Variants in NOL4 observed in about 807,000 individuals in gnomAD.
NOL4 encodes nucleolar protein 4, also known as cancer/testis antigen 125.
NOL4 carries 17 observed loss-of-function variants against 75.9 expected under a neutral mutation model. That is an observed-to-expected ratio of 0.22 (90% CI 0.15 to 0.34). The LOEUF is 0.34. Ranked by LOEUF, NOL4 falls within the 10% of genes least tolerant of loss-of-function variation. The pLI, the probability that NOL4 is intolerant of heterozygous loss-of-function variation, is 1.00. For missense variants in NOL4, 614 were observed against 793.5 expected, an observed-to-expected ratio of 0.77 and a Z score of 2.72; for synonymous variants, 292 against 289.9, an observed-to-expected ratio of 1.01 and a Z score of -0.07.
intron 1 of NOL4, among the ~76,000 whole-genome samples, chr18:34,135,085 G>A (rs1007444368): frequency 3.5e-4 from 54 of 152,116 alleles, no homozygotes; most frequent in African/African-American, 1.2e-3. Context: ...ATGGAGAGTA[G>A]AAAACAATGG....
At chr18:34,024,181 G>GAAAAAAAAA (rs200128545) in intron 5 of NOL4, among the ~76,000 whole-genome samples, 2 of 86,968 alleles carry the variant, frequency 2.3e-5, no homozygotes, top group African/African-American at 4.4e-5. Flanking sequence ...AAATAAACAG[G>GAAAAAAAAA]AAAAAAAAAA....
chr18:34,030,464 G>T (rs1236048647), intron 5 of NOL4, among the ~76,000 whole-genome samples: 1 of 152,116 alleles, frequency 6.6e-6, no homozygotes. Context: ...AAGAAAGGAA[G>T]GAAAGGAGGA....
Position 33,856,188 on chromosome 18 carries a change from C to A in NOL4, c.1724-3153G>T, listed in dbSNP as rs148718972. Among the ~76,000 whole-genome samples, 12 of 151,936 alleles carry A rather than the reference C, an allele frequency of 7.9e-5. No individual in the cohort carries two copies. The East Asian group carries it at 2.1e-3, about 27-fold the overall frequency. ...TGATGGATGTTTGTATTTGTAGAAT[C>A]AATAAATGAGAAGTGCCAGATTCTT... is the stretch of plus-strand genomic sequence containing the variant. On this transcript the variant is annotated intron_variant, in intron 10 of 10. Transcript: ENST00000261592.
rs1373405370 is a variant in NOL4 at position 34,129,945 on chromosome 18, A to G, written c.340T>C (p.Ser114Pro). Residue 114 changes from serine (S) to proline (P), a missense_variant, in exon 2 of 11, where the codon TCG becomes CCG. Around this residue, in one of 9 missense-constraint regions of NOL4, gnomAD observed 135 missense variants for 220.4 expected, o/e 0.61. Transcript: ENST00000261592. ...VVEDFFDIIYSMHVETGPNGE... is the reference protein window; with the variant it reads ...VVEDFFDIIYPMHVETGPNGE... ...TTTGGCCCCGTTTCCACATGCATCG[A>G]ATAAATAATGTCAAAGAAATCTTCA... The G allele has an allele frequency of 1.2e-6, 2 of 1,601,080 alleles. No homozygotes were observed. The highest frequency in any genetic ancestry group is 1.7e-6 in the Non-Finnish European group (2 of 1,173,116).
intron 9 of NOL4, among the ~76,000 whole-genome samples, chr18:33,886,827 A>C (rs545110641): frequency 7.5e-6 from 1 of 133,540 alleles, no homozygotes; most frequent in Non-Finnish European, 1.6e-5. Flanking sequence ...ATCTATATAC[A>C]TATATATCTA....
rs537017690 is a variant in NOL4, at chr18:34,063,682, G to T, written c.772+29783C>A. On this transcript the variant is annotated intron_variant, in intron 5 of 10. Transcript: ENST00000261592. ...GTTGATCTTAAAGAATTTTTGTTAGGACCAAATAAAATAATGTCTGTACAT... is the reference window on the plus strand; with the variant it reads ...GTTGATCTTAAAGAATTTTTGTTAGTACCAAATAAAATAATGTCTGTACAT... Among the ~76,000 whole-genome samples the T allele has an allele frequency of 2.0e-5, 3 of 151,992 alleles. No individual in the cohort carries two copies. In the South Asian group the frequency reaches 6.2e-4, roughly 32 times the overall value.
chr18:34,112,284 A>C (rs1484057420), intron 2 of NOL4, among the ~76,000 whole-genome samples: 1 of 151,826 alleles, frequency 6.6e-6, no homozygotes, highest in African/African-American at 2.4e-5. Context: ...CAGGAGAATC[A>C]CTTGAACCCG....
chr18:34,131,474 T>C (rs545962374), intron 1 of NOL4, among the ~76,000 whole-genome samples: 4 of 152,158 alleles, frequency 2.6e-5, no homozygotes, highest in African/African-American at 9.6e-5. Context: ...AATAACCACC[T>C]TTCCTAGGCT....
At chr18:34,193,261 A>G (rs930938735) in intron 1 of NOL4, among the ~76,000 whole-genome samples, 7 of 152,224 alleles carry the variant, frequency 4.6e-5, no homozygotes, top group African/African-American at 1.7e-4. Flanking sequence ...GACAGATGGA[A>G]TAACATCTAA....
intron 6 of NOL4, among the ~76,000 whole-genome samples, chr18:33,983,988 A>G (rs1225884131): frequency 1.3e-5 from 2 of 152,188 alleles, no homozygotes; most frequent in Non-Finnish European, 2.9e-5. Context: ...TTGCTTGCAC[A>G]TAATTTGAGA....
intron 2 of NOL4, 101 bp downstream of exon 2, chr18:34,129,770 G>A: frequency 8.7e-7 from 1 of 1,146,336 alleles, no homozygotes; most frequent in Non-Finnish European, 1.2e-6. Flanking sequence ...CCTAATTTAT[G>A]TTGAAGATAG....
At chr18:34,023,721 T>C (rs546595989) in intron 5 of NOL4, 43 of 263,290 alleles carry the variant, frequency 1.6e-4, no homozygotes, top group African/African-American at 9.1e-4. Context: ...AGGAGGGCAG[T>C]TGGACGTCGG....
intron 5 of NOL4, among the ~76,000 whole-genome samples, chr18:34,033,638 A>G (rs971629647): frequency 2.0e-5 from 3 of 152,096 alleles, no homozygotes; most frequent in African/African-American, 7.2e-5. Context: ...TTAAATAGAT[A>G]ATAAATGAAA....
intron 6 of NOL4, among the ~76,000 whole-genome samples, chr18:33,973,783 G>T (rs1025757498): frequency 3.9e-5 from 6 of 152,148 alleles, no homozygotes; most frequent in African/African-American, 1.2e-4. Flanking sequence ...TCAATAGTGG[G>T]CTCAAAATAT....
intron 1 of NOL4, among the ~76,000 whole-genome samples, chr18:34,197,356 G>A (rs1279586256): frequency 6.6e-6 from 1 of 151,924 alleles, no homozygotes; most frequent in African/African-American, 2.4e-5. Flanking sequence ...AGTTCAGCAA[G>A]GAGAGGTCAA....
chr18:34,140,025 T>G (rs969119852), intron 1 of NOL4, among the ~76,000 whole-genome samples: 13 of 152,354 alleles, frequency 8.5e-5, no homozygotes, highest in African/African-American at 3.1e-4. Flanking sequence ...CTAGTTTGAT[T>G]GCACTGTGGT....
intron 9 of NOL4, among the ~76,000 whole-genome samples, chr18:33,939,407 C>G (rs1216045903): frequency 1.3e-5 from 2 of 152,126 alleles, no homozygotes; most frequent in African/African-American, 4.8e-5. Context: ...GATCCATGAG[C>G]AAGGAATGTT....
chr18:34,027,373 TG>T (rs1304362851), intron 5 of NOL4, among the ~76,000 whole-genome samples: 3 of 152,186 alleles, frequency 2.0e-5, no homozygotes, highest in African/African-American at 7.2e-5. Flanking sequence ...TGATAATTGT[TG>T]GGGGTTAATG....
Position 33,872,458 on chromosome 18 carries a change from C to T in NOL4, c.1723+10786G>A, listed in dbSNP as rs374005979. On this transcript the variant is annotated intron_variant, in intron 10 of 10. Coordinates refer to ENST00000261592, the MANE Select transcript of NOL4 (RefSeq NM_003787.5). ...TTTCTATAAGGTTGTTCATTGACCC[C>T]ATTTATCTCATTGAGGAGTGAATGA... Among the ~76,000 whole-genome samples the T allele has an allele frequency of 1.4e-4, 21 of 152,026 alleles. No individual in the cohort carries two copies. In the East Asian group the frequency reaches 2.7e-3, roughly 20 times the overall value.
Sources: allele counts gnomAD v4.1 joint callset (sites outside exome capture counted in the v4.1 genomes callset), GRCh38; gene constraint gnomAD v4.1.1; regional missense constraint gnomAD v4.1.1; transcripts MANE v1.5; gene names NCBI Gene and HGNC (gene_info 2026-07-23, HGNC 2026-07-21).